The following AOPEP variants were observed in gnomAD, a reference collection of about 807,000 sequenced individuals.
AOPEP encodes the protein aminopeptidase O (putative), also known as aminopeptidase O.
Under a neutral mutation model 98.1 loss-of-function variants are expected in AOPEP, and 77 were observed. The ratio of observed to expected loss-of-function variants is 0.78; its 90% CI spans 0.65 to 0.95. The LOEUF (loss-of-function observed/expected upper bound fraction) is 0.95. Among genes scored for constraint, AOPEP ranks in the 40% least tolerant of loss-of-function variants. AOPEP has a pLI of 0.00. For synonymous variants in AOPEP, 346 were observed against 365.3 expected, an observed-to-expected ratio of 0.95 and a Z score of 0.60; for missense variants, 1,024 against 1,024.7, an observed-to-expected ratio of 1.00 and a Z score of 0.01.
chr9:95,047,338 T>C (rs2065941850), intron 13 of AOPEP, among the ~76,000 whole-genome samples: 2 of 152,248 alleles, frequency 1.3e-5, no homozygotes, highest in African/African-American at 4.8e-5. Context: ...TCACGTAAAC[T>C]TTGTTCAGTA....
chr9:94,879,810 C>A (rs999324114), intron 5 of AOPEP, among the ~76,000 whole-genome samples: 4 of 152,046 alleles, frequency 2.6e-5, no homozygotes, highest in Admixed American at 2.6e-4. Context: ...TTGGTTGTAA[C>A]CCATTTTAGC....
At chr9:95,099,670 C>T in the AOPEP span, 2 of 231,856 alleles carry the variant, frequency 8.6e-6, no homozygotes, top group Non-Finnish European at 1.7e-5. Context: ...ACTTCAGTGC[C>T]ACGTCCCCAG....
the AOPEP span, chr9:95,109,714 C>G: frequency 1.3e-5 from 2 of 152,252 alleles, no homozygotes; most frequent in African/African-American, 4.8e-5. Flanking sequence ...CCAGGCCCAG[C>G]ACACGATGCG....
intron 14 of AOPEP, among the ~76,000 whole-genome samples, chr9:95,061,938 A>G (rs1268396859): frequency 6.6e-6 from 1 of 152,210 alleles, no homozygotes; most frequent in East Asian, 1.9e-4. Context: ...ATTAGTGTTT[A>G]AAAGACTTTG....
intron 5 of AOPEP, among the ~76,000 whole-genome samples, chr9:94,805,044 A>AG (rs1290817161): frequency 7.9e-5 from 12 of 152,192 alleles, no homozygotes; most frequent in Non-Finnish European, 1.8e-4. Flanking sequence ...GTGAGGTCTT[A>AG]AAATGGCTTT....
chr9:95,010,296 GA>G (rs1266011415), intron 13 of AOPEP, among the ~76,000 whole-genome samples: 13 of 152,110 alleles, frequency 8.5e-5, no homozygotes, highest in Non-Finnish European at 1.2e-4. Context: ...TATGATCTCT[GA>G]AAATGAATAT....
At chr9:94,953,253 G>A (rs1044115520) in intron 7 of AOPEP, among the ~76,000 whole-genome samples, 1 of 152,226 alleles carries the variant, frequency 6.6e-6, no homozygotes, top group Non-Finnish European at 1.5e-5. Context: ...CTTTTCAGGG[G>A]AGTCTTAAAT....
At chr9:94,752,088 A>G (rs905865777) in intron 1 of AOPEP, among the ~76,000 whole-genome samples, 1 of 151,678 alleles carries the variant, frequency 6.6e-6, no homozygotes, top group Non-Finnish European at 1.5e-5. Context: ...AGGTCTTCCT[A>G]TGTTACCCGG....
intron 13 of AOPEP, among the ~76,000 whole-genome samples, chr9:95,014,734 C>T (rs971232269): frequency 3.3e-5 from 5 of 152,190 alleles, no homozygotes; most frequent in South Asian, 4.1e-4. Flanking sequence ...TTCTCACACT[C>T]TTGCCTGTCA....
At chr9:94,940,282 A>G (rs999594335) in intron 7 of AOPEP, among the ~76,000 whole-genome samples, 1 of 152,230 alleles carries the variant, frequency 6.6e-6, no homozygotes, top group Admixed American at 6.5e-5. Context: ...GTTGAATCAC[A>G]GGCAATTGCT....
chr9:95,100,019 C>T, the AOPEP span: 1 of 232,232 alleles, frequency 4.3e-6, no homozygotes, highest in Non-Finnish European at 8.5e-6. Context: ...CTAGGGGTTC[C>T]CTGCTGCCAC....
At chr9:95,020,172 C>T (rs2133154466) in intron 13 of AOPEP, 1 of 152,350 alleles carries the variant, frequency 6.6e-6, no homozygotes, top group East Asian at 1.9e-4. Flanking sequence ...TTGCTTTTTC[C>T]AGCTGTCTGC....
intron 5 of AOPEP, among the ~76,000 whole-genome samples, chr9:94,859,002 T>G (rs1588579384): frequency 1.6e-5 from 2 of 126,818 alleles, no homozygotes; most frequent in Non-Finnish European, 1.6e-5. Context: ...TACTCCAGCC[T>G]GGGCGACAGA....
At chr9:95,003,176 G>C (rs1337953186) in intron 11 of AOPEP, among the ~76,000 whole-genome samples, 2 of 152,038 alleles carry the variant, frequency 1.3e-5, no homozygotes, top group Non-Finnish European at 2.9e-5. Context: ...GCGCGCGCGC[G>C]CGCGTGTGTG....
intron 5 of AOPEP, among the ~76,000 whole-genome samples, chr9:94,821,221 A>G (rs1390045193): frequency 6.6e-6 from 1 of 152,140 alleles, no homozygotes; most frequent in Non-Finnish European, 1.5e-5. Flanking sequence ...TGAGTGAATG[A>G]CATTAGCTGG....
intron 5 of AOPEP, among the ~76,000 whole-genome samples, chr9:94,831,185 G>A (rs1855888419): frequency 6.6e-6 from 1 of 152,066 alleles, no homozygotes; most frequent in Non-Finnish European, 1.5e-5. Flanking sequence ...ATAGTTTTGG[G>A]TTTTACATTT....
At chr9:94,947,896 C>G (rs1212471579) in intron 7 of AOPEP, among the ~76,000 whole-genome samples, 2 of 152,206 alleles carry the variant, frequency 1.3e-5, no homozygotes, top group Non-Finnish European at 2.9e-5. Flanking sequence ...ACATCACCTC[C>G]CCCAGTGGGA....
chr9:94,833,182 C>T (rs1399110240), intron 5 of AOPEP, among the ~76,000 whole-genome samples: 2 of 151,222 alleles, frequency 1.3e-5, no homozygotes, highest in African/African-American at 4.9e-5. Flanking sequence ...GTGATCCACC[C>T]GCCTCTGCCT....
chr9:95,081,943 C>T (rs1239955919), intron 15 of AOPEP, among the ~76,000 whole-genome samples: 3 of 152,084 alleles, frequency 2.0e-5, no homozygotes, highest in African/African-American at 7.2e-5. Context: ...CTAGAACGTC[C>T]TTGGCTATTT....
Sources: allele counts gnomAD v4.1 joint callset (sites outside exome capture counted in the v4.1 genomes callset), GRCh38; gene constraint gnomAD v4.1.1; transcripts MANE v1.5; gene names NCBI Gene and HGNC (gene_info 2026-07-23, HGNC 2026-07-21).